The following RYR1 variants were observed in gnomAD, a reference collection of about 807,000 sequenced individuals.
RYR1 encodes the protein central core disease of muscle.
A neutral mutation model predicts 583.5 loss-of-function variants in RYR1; 342 were observed. The ratio of observed to expected loss-of-function variants is 0.59; its 90% CI spans 0.54 to 0.64. The LOEUF (loss-of-function observed/expected upper bound fraction) is 0.64. Among genes scored for constraint, RYR1 ranks in the 30% least tolerant of loss-of-function variants. The pLI is 0.00. For missense variants in RYR1, 6,032 were observed against 6,917.2 expected (o/e 0.87, Z 4.54); for synonymous variants, 2,791 against 2,822.5 (o/e 0.99, Z 0.35).
chr19:38,501,693 T>A (rs1377943842), intron 47 of RYR1, among the ~76,000 whole-genome samples: 6 of 151,906 alleles, frequency 3.9e-5, no homozygotes, highest in Non-Finnish European at 7.4e-5. Flanking sequence ...GAGAGGGGGT[T>A]TAAGAGAGCC....
chr19:38,560,582 A>T (rs1973079964), intron 89 of RYR1, among the ~76,000 whole-genome samples: 1 of 149,402 alleles, frequency 6.7e-6, no homozygotes, highest in Non-Finnish European at 1.5e-5. Context: ...ACAAAAAATT[A>T]GCCAGGTGTG....
chr19:38,482,298 C>T (rs1394531410), intron 31 of RYR1, among the ~76,000 whole-genome samples: 1 of 151,956 alleles, frequency 6.6e-6, no homozygotes, highest in Non-Finnish European at 1.5e-5. Context: ...CCCATATTTC[C>T]TGTAAACTGG....
intron 28 of RYR1, 80 bp from the exon 29 acceptor site, chr19:38,475,238 G>A: frequency 6.5e-7 from 1 of 1,539,012 alleles, no homozygotes; most frequent in Non-Finnish European, 8.8e-7. Flanking sequence ...TATCCAAGCT[G>A]GATGTGGGGG....
chr19:38,582,397 CAAAAA>C (rs35152797), intron 101 of RYR1, among the ~76,000 whole-genome samples: 1 of 140,274 alleles, frequency 7.1e-6, no homozygotes, highest in African/African-American at 2.7e-5. Flanking sequence ...AACTCCGTCT[CAAAAA>C]AAAGGAAAAA....
At chr19:38,546,633 C>T in intron 88 of RYR1, 107 bp downstream of exon 88, 2 of 871,066 alleles carry the variant, frequency 2.3e-6, no homozygotes, top group Non-Finnish European at 1.9e-6. Context: ...CATCTGACAT[C>T]GTGTCAGGAT....
Position 38,463,406 on chromosome 19 carries a change from C to A in RYR1, c.2578-17C>A. Reference sequence around the variant, plus strand: ...TAGAGGGACCTTGGGGTCTCAAGAACGTCCCTCTGCCTCTAGATTGTCCTG... The same window carrying A: ...TAGAGGGACCTTGGGGTCTCAAGAAAGTCCCTCTGCCTCTAGATTGTCCTG... On this transcript the variant is annotated splice_polypyrimidine_tract_variant and intron_variant, in intron 20 of 105. Transcript: ENST00000359596. 1.2e-6 allele frequency: 2 copies of A among 1,608,898 alleles called. No individual in the cohort carries two copies. The highest frequency in any genetic ancestry group is 1.7e-6 in the Non-Finnish European group (2 of 1,176,002).
chr19:38,576,217 G>A (rs1973950478), intron 97 of RYR1, among the ~76,000 whole-genome samples: 1 of 152,198 alleles, frequency 6.6e-6, no homozygotes, highest in Non-Finnish European at 1.5e-5. Context: ...ACTTTGGGAG[G>A]CTGAGATGGA....
chr19:38,561,086 C>T lies in RYR1; in HGVS notation c.12283-27C>T. 6.3e-7 allele frequency: 1 copy of T among 1,590,740 alleles called. No homozygotes were observed. The highest frequency in any genetic ancestry group is 8.6e-7 in the Non-Finnish European group (1 of 1,158,806). On this transcript the variant is annotated intron_variant, in intron 89 of 105. Transcript: ENST00000359596. This position sits in a 1 kb window ranked among gnomAD's most constrained non-coding sequence, Gnocchi z 4.8. ...AGAGAATTGAGGCTCTCCAGGTCAC[C>T]CCACTGACCTCCCTGCCCGCCCCCA...
chr19:38,573,430 C>A (rs1973816574), intron 96 of RYR1, 123 bp downstream of exon 96: 1 of 1,295,760 alleles, frequency 7.7e-7, no homozygotes. Context: ...ACCTGTAATC[C>A]CGGCACTTTG....
At chr19:38,576,066 GT>G (rs1973945003) in intron 97 of RYR1, 105 bp downstream of exon 97, 9 of 1,347,008 alleles carry the variant, frequency 6.7e-6, no homozygotes, top group Non-Finnish European at 8.5e-6. Flanking sequence ...TGGGCAAGAG[GT>G]TTTTTTGCCT....
At chr19:38,529,948 G>C (rs1971656506) in intron 76 of RYR1, among the ~76,000 whole-genome samples, 1 of 152,020 alleles carries the variant, frequency 6.6e-6, no homozygotes, top group South Asian at 2.1e-4. Flanking sequence ...GGGAATGAAG[G>C]CACAGGGATT....
At chr19:38,458,615 T>A (rs1967555769) in intron 18 of RYR1, among the ~76,000 whole-genome samples, 1 of 103,052 alleles carries the variant, frequency 9.7e-6, no homozygotes, top group African/African-American at 3.8e-5. Context: ...ATTTATTTTG[T>A]TTGTTTGTTT....
Position 38,561,265 on chromosome 19 carries a change from G to A in RYR1, c.12435G>A (p.Leu4145=), listed in dbSNP as rs1478450468. The A allele has an allele frequency of 1.2e-6, 2 of 1,614,020 alleles. No homozygotes were observed. The highest frequency in any genetic ancestry group is 1.7e-6 in the Non-Finnish European group (2 of 1,180,038). Residue 4145 remains leucine, a synonymous_variant, in exon 90 of 106, where the codon CTG becomes CTA. Coordinates refer to ENST00000359596, the MANE Select transcript of RYR1 (RefSeq NM_000540.3). The surrounding 1 kb of genome is among the most constrained non-coding windows in gnomAD (Gnocchi z 4.8). The part of the protein sequence containing the change: ...ARDIGFNVAV[L]LTNLSEHVPH... ...ACATCGGCTTCAACGTGGCGGTGCT[G>A]CTGACCAACCTGTCGGAGCATGTGC...
intron 76 of RYR1, among the ~76,000 whole-genome samples, chr19:38,531,671 G>A (rs1309605165): frequency 1.3e-5 from 2 of 152,140 alleles, no homozygotes; most frequent in South Asian, 2.1e-4. Flanking sequence ...GCTCACACCT[G>A]TAATTCCAGT....
intron 87 of RYR1, among the ~76,000 whole-genome samples, chr19:38,544,205 C>T (rs1345740727): frequency 6.6e-6 from 1 of 152,134 alleles, no homozygotes; most frequent in Non-Finnish European, 1.5e-5. Flanking sequence ...GTGGACAGTC[C>T]TTGGGCTAGG....
intron 27 of RYR1, among the ~76,000 whole-genome samples, chr19:38,470,801 C>T (rs1038432531): frequency 1.3e-5 from 2 of 152,258 alleles, no homozygotes; most frequent in South Asian, 2.1e-4. Flanking sequence ...AGTATGGGAA[C>T]GTCCAGTTGA....
intron 88 of RYR1, among the ~76,000 whole-genome samples, 182 bp downstream of exon 88, chr19:38,546,708 T>C (rs954977351): frequency 2.0e-5 from 3 of 149,016 alleles, no homozygotes; most frequent in Middle Eastern, 3.4e-3. Context: ...TCCCAGCACT[T>C]TGGGAGGCCG....
At chr19:38,525,555 C>G (rs1177512092) in intron 71 of RYR1, 53 bp downstream of exon 71, 1 of 1,583,448 alleles carries the variant, frequency 6.3e-7, no homozygotes, top group Non-Finnish European at 8.6e-7. Context: ...CCAGCACCCA[C>G]TGAACCCCTG....
chr19:38,448,655 C>G lies in RYR1; in HGVS notation c.964C>G (p.Leu322Val). The G allele has an allele frequency of 6.2e-7, 1 of 1,614,228 alleles. No homozygotes were observed. The highest frequency in any genetic ancestry group is 2.2e-5 in the East Asian group (1 of 44,884). ...GTGTCCCCTGCCCCTGTAGGAGAAGCTGGATGTGGCCCCCAAGCGGGATGT... is the reference window on the plus strand; with the variant it reads ...GTGTCCCCTGCCCCTGTAGGAGAAGGTGGATGTGGCCCCCAAGCGGGATGT... ...SFCFRISKEKLDVAPKRDVEG... is the reference protein window; with the variant it reads ...SFCFRISKEKVDVAPKRDVEG... The change falls in exon 11 of 106, where the codon CTG becomes GTG. Residue 322 changes from leucine (L) to valine (V), a missense_variant. Around this residue, in one of 11 missense-constraint regions of RYR1, gnomAD observed 338 missense variants for 441.6 expected, o/e 0.77. Coordinates refer to ENST00000359596, the MANE Select transcript of RYR1 (RefSeq NM_000540.3).
Sources: allele counts gnomAD v4.1 joint callset (sites outside exome capture counted in the v4.1 genomes callset), GRCh38; gene constraint gnomAD v4.1.1; regional missense constraint gnomAD v4.1.1; non-coding constraint Gnocchi (gnomAD v3.1); transcripts MANE v1.5; gene names NCBI Gene and HGNC (gene_info 2026-07-23, HGNC 2026-07-21).